The following ACOT11 variants were observed in gnomAD, a reference collection of about 807,000 sequenced individuals.
The protein encoded by ACOT11 is acyl-coenzyme A thioesterase 11.
ACOT11 carries 69 observed loss-of-function variants against 77.5 expected under a neutral mutation model. That is an observed-to-expected ratio of 0.89 (90% CI 0.73 to 1.09). ACOT11 has a LOEUF of 1.09. ACOT11 is among the 50% of genes least tolerant of loss of function. The pLI is 0.00. For missense variants in ACOT11, 766 were observed against 813.7 expected (o/e 0.94, Z 0.71); for synonymous variants, 279 against 313.0 (o/e 0.89, Z 1.15).
chr1:54,584,180 A>G lies in ACOT11; in HGVS notation c.34-475A>G, dbSNP rs1654417109. ...GGCCTCTGAAGATGGAGGGAGCCCA[A>G]GAAAGGAGCCCTTTGGGGATGAAAT... On this transcript the variant is annotated intron_variant, in intron 1 of 15. Transcript: ENST00000343744. The surrounding 1 kb of genome is among the most constrained non-coding windows in gnomAD (Gnocchi z 6.3). 5.3e-5 allele frequency among the ~76,000 whole-genome samples: 8 copies of G among 152,090 alleles called. No individual in the cohort carries two copies. The highest frequency in any genetic ancestry group is 5.2e-4 in the Admixed American group (8 of 15,270).
At chr1:54,549,693 T>C (rs1023298745) in intron 1 of ACOT11, among the ~76,000 whole-genome samples, 3 of 152,234 alleles carry the variant, frequency 2.0e-5, no homozygotes, top group Admixed American at 2.0e-4. Flanking sequence ...GCTCTTGGTA[T>C]ACCCAGCACG....
rs537062863 is a variant in ACOT11, at chr1:54,569,483, C to G, written c.34-15172C>G. On this transcript the variant is annotated intron_variant, in intron 1 of 15. Coordinates refer to ENST00000343744, the MANE Select transcript of ACOT11 (RefSeq NM_147161.4). Reference sequence around the variant, plus strand: ...ACGGCCTGGTTGTCATCCTGAGCCACTCCTTGTTCCCTCTGTTTTCCCCTT... The same window carrying G: ...ACGGCCTGGTTGTCATCCTGAGCCAGTCCTTGTTCCCTCTGTTTTCCCCTT... Among the ~76,000 whole-genome samples the G allele has an allele frequency of 5.3e-5, 8 of 152,338 alleles. No individual in the cohort carries two copies. The South Asian group carries it at 1.5e-3, about 28-fold the overall frequency.
chr1:54,623,596 C>T (rs1215384464), intron 15 of ACOT11: 12 of 553,332 alleles, frequency 2.2e-5, no homozygotes, highest in East Asian at 2.1e-4. Context: ...AATCCTCTTC[C>T]CCACACCCTC....
In ACOT11 at chr1:54,594,653, CCAT is replaced by C; in HGVS notation, c.572_574del (p.Ile191del). 1 of 1,613,960 alleles carries C rather than the reference CCAT, an allele frequency of 6.2e-7. No homozygotes were observed. The highest frequency in any genetic ancestry group is 8.5e-7 in the Non-Finnish European group (1 of 1,179,894). ...CGCATGCGCCTTGTCTATGCAGACA[CCAT>C]CAAGGACCTCCTGGCCAACTGCGCC... is the stretch of plus-strand genomic sequence containing the variant. On this transcript the variant is annotated inframe_deletion, in exon 6 of 16. Coordinates refer to ENST00000343744, the MANE Select transcript of ACOT11 (RefSeq NM_147161.4).
In ACOT11 at chr1:54,584,872, C is replaced by T. The variant is rs375277145; in HGVS notation, c.241+10C>T. On this transcript the variant is annotated intron_variant, in intron 2 of 15. Coordinates refer to ENST00000343744, the MANE Select transcript of ACOT11 (RefSeq NM_147161.4). The surrounding 1 kb of genome is among the most constrained non-coding windows in gnomAD (Gnocchi z 6.3). ...ACGGCTTGCCTGTCCGGTAAGGCTG[C>T]GCTCCCCATGGTTCCCTACCTGCCC... 176 of 1,607,226 alleles carry T rather than the reference C, an allele frequency of 1.1e-4. 1 individual carries two copies. The highest frequency in any genetic ancestry group is 2.5e-4 in the African/African-American group (19 of 74,722).
At chr1:54,624,368 TGGAGGGGCAG>T (rs1390855103) in intron 15 of ACOT11, among the ~76,000 whole-genome samples, 1 of 85,354 alleles carries the variant, frequency 1.2e-5, no homozygotes, top group Non-Finnish European at 2.3e-5. Context: ...GACTGAGGGG[TGGAGGGGCAG>T]GGTGGGAGGG....
chr1:54,596,323 A>G (rs2100992980), intron 6 of ACOT11, among the ~76,000 whole-genome samples: 1 of 152,178 alleles, frequency 6.6e-6, no homozygotes, highest in African/African-American at 2.4e-5. Flanking sequence ...GCCAAGGGCA[A>G]TGCCAGCTCT....
chr1:54,591,240 G>A (rs1244212106), intron 3 of ACOT11, among the ~76,000 whole-genome samples: 1 of 152,142 alleles, frequency 6.6e-6, no homozygotes, highest in Non-Finnish European at 1.5e-5. Context: ...ATTGAGCTCC[G>A]GCTGTGGGCC....
At chr1:54,602,384 C>G (rs2101001296) in intron 9 of ACOT11, among the ~76,000 whole-genome samples, 1 of 152,320 alleles carries the variant, frequency 6.6e-6, no homozygotes, top group East Asian at 1.9e-4. Context: ...AATGTGGACT[C>G]TCATTACCAT....
Position 54,609,853 on chromosome 1 carries a change from G to A in ACOT11, c.*741G>A. ...GCAGGCAGGACTCCAGCGTCAGGAT[G>A]TTGCCACTTGGAGTATGAACAATGG... On this transcript the variant is annotated 3_prime_UTR_variant, in exon 16 of 16. Transcript: ENST00000343744. 6 of 1,614,074 alleles carry A rather than the reference G, an allele frequency of 3.7e-6. No individual in the cohort carries two copies. Among genetic ancestry groups the A allele is most frequent in the Non-Finnish European group, 5.1e-6 (6 of 1,180,030 alleles).
At chr1:54,614,935 AGCGG>A (rs1279693809), downstream of ACOT11, 3 of 1,155,594 alleles carry the variant, frequency 2.6e-6, no homozygotes, top group African/African-American at 1.7e-5. Context: ...CAGAAAGCAG[AGCGG>A]GTGTGTGTGT....
intron 1 of ACOT11, among the ~76,000 whole-genome samples, chr1:54,568,903 T>G (rs1282566294): frequency 6.6e-6 from 1 of 152,006 alleles, no homozygotes; most frequent in African/African-American, 2.4e-5. Context: ...AAACTTTTTC[T>G]TTTACCAGAC....
intron 9 of ACOT11, among the ~76,000 whole-genome samples, chr1:54,601,880 G>A (rs900504296): frequency 6.6e-6 from 1 of 152,274 alleles, no homozygotes; most frequent in African/African-American, 2.4e-5. Context: ...GGAGGATGGT[G>A]AAAGCAACGC....
At chr1:54,608,463 G>A (rs1203008383) in intron 15 of ACOT11, among the ~76,000 whole-genome samples, 1 of 152,080 alleles carries the variant, frequency 6.6e-6, no homozygotes, top group African/African-American at 2.4e-5. Flanking sequence ...AAGCGAGGGT[G>A]GGGTACTGCA....
rs79623358 is a variant in ACOT11, at chr1:54,568,510, A to C, written c.34-16145A>C. The stretch of plus-strand genomic sequence containing the variant: ...CTCCCAAGTAGCTGGGATTACAGGA[A>C]TGCACCATCACGCCTGGCTAATTTT... On this transcript the variant is annotated intron_variant, in intron 1 of 15. Coordinates refer to ENST00000343744, the MANE Select transcript of ACOT11 (RefSeq NM_147161.4). Among the ~76,000 whole-genome samples the C allele has an allele frequency of 8.2e-3, 1,252 of 151,880 alleles. 16 individuals carry two copies. Among genetic ancestry groups the C allele is most frequent in the African/African-American group, 0.028 (1,174 of 41,438 alleles).
chr1:54,582,804 C>T (rs994829714), intron 1 of ACOT11, among the ~76,000 whole-genome samples: 8 of 152,192 alleles, frequency 5.3e-5, no homozygotes, highest in East Asian at 1.9e-4. Context: ...CCAGAAACCC[C>T]AGGCAGTCTG....
At chr1:54,573,537 A>C (rs1333878026) in intron 1 of ACOT11, among the ~76,000 whole-genome samples, 1 of 152,168 alleles carries the variant, frequency 6.6e-6, no homozygotes, top group Non-Finnish European at 1.5e-5. Context: ...GTTCGAGATC[A>C]CCCTGGCCAA....
At chr1:54,561,086 T>A (rs1402193330) in intron 1 of ACOT11, among the ~76,000 whole-genome samples, 1 of 118,608 alleles carries the variant, frequency 8.4e-6, no homozygotes, top group Admixed American at 7.9e-5. Flanking sequence ...TTTTTTATTT[T>A]TTTTATTTTT....
At chr1:54,620,925 C>T (rs1373122619) in intron 15 of ACOT11, among the ~76,000 whole-genome samples, 9 of 146,460 alleles carry the variant, frequency 6.1e-5, no homozygotes, top group Admixed American at 3.5e-4. Flanking sequence ...TTTGGGAAGC[C>T]GAGGTGGGTG....
Sources: allele counts gnomAD v4.1 joint callset (sites outside exome capture counted in the v4.1 genomes callset), GRCh38; gene constraint gnomAD v4.1.1; non-coding constraint Gnocchi (gnomAD v3.1); transcripts MANE v1.5; gene names NCBI Gene and HGNC (gene_info 2026-07-23, HGNC 2026-07-21).